The following KCNH7 variants were observed in gnomAD, a reference collection of about 807,000 sequenced individuals.
The protein encoded by KCNH7 is voltage-gated inwardly rectifying potassium channel KCNH7.
In KCNH7, 49 loss-of-function variants were observed where a neutral mutation model predicts 120.8. The observed-to-expected ratio is 0.41, with a 90% CI of 0.32 to 0.51. The LOEUF is 0.51. KCNH7 is among the 20% of genes least tolerant of loss of function. The probability of loss-of-function intolerance (pLI) is 0.38; values close to 1 mark genes in which losing one functional copy is unlikely to be tolerated. For missense variants in KCNH7, 1,097 were observed against 1,446.6 expected (o/e 0.76, Z 3.92); for synonymous variants, 547 against 516.1 (o/e 1.06, Z -0.81).
chr2:162,602,915 GGGTGAGGAGGAGGAGGAGGT>G (rs1346108736), intron 2 of KCNH7, among the ~76,000 whole-genome samples: 1 of 150,430 alleles, frequency 6.6e-6, no homozygotes. Context: ...AGGAGGAGGA[GGGTGAGGAGGAGGAGGAGGT>G]TGAGCTGGAG....
At position 162,755,013 on chromosome 2, in the gene KCNH7, G is replaced by T. The variant is rs200479528; in HGVS notation, c.307+81524C>A. ...ATAACACTCTTCCCAGAAATACAAA[G>T]CTTCCTACTTTATAGCATTTTTCCT... On this transcript the variant is annotated intron_variant, in intron 2 of 15. Coordinates refer to ENST00000332142, the MANE Select transcript of KCNH7 (RefSeq NM_033272.4). 3.2e-5 allele frequency among the ~76,000 whole-genome samples: 4 copies of T among 125,302 alleles called. No homozygotes were observed. In the East Asian group the frequency reaches 1.3e-3, roughly 40 times the overall value. 82.2% of individuals were successfully genotyped at this position (125,302 alleles called of 152,430 possible).
intron 2 of KCNH7, among the ~76,000 whole-genome samples, chr2:162,602,489 C>T (rs1189455683): frequency 6.6e-6 from 1 of 152,066 alleles, no homozygotes; most frequent in Non-Finnish European, 1.5e-5. Context: ...TTTTCTCACT[C>T]ACTGAAATTG....
chr2:162,666,073 C>T (rs2105286952), intron 2 of KCNH7, among the ~76,000 whole-genome samples: 1 of 152,152 alleles, frequency 6.6e-6, no homozygotes, highest in African/African-American at 2.4e-5. Context: ...ACATCAAGGA[C>T]ATCCTTTCAT....
At chr2:162,548,693 T>G (rs1305148328) in intron 2 of KCNH7, among the ~76,000 whole-genome samples, 5 of 152,154 alleles carry the variant, frequency 3.3e-5, no homozygotes, top group African/African-American at 1.2e-4. Flanking sequence ...TGCCAGGAGT[T>G]AATTCCTGGG....
chr2:162,535,354 T>C (rs1385689527), intron 3 of KCNH7, among the ~76,000 whole-genome samples: 2 of 151,928 alleles, frequency 1.3e-5, no homozygotes, highest in East Asian at 3.9e-4. Context: ...TATAAGTCAC[T>C]GTAAACTAAG....
intron 2 of KCNH7, among the ~76,000 whole-genome samples, chr2:162,737,390 G>A (rs1369429643): frequency 2.0e-5 from 3 of 152,072 alleles, no homozygotes; most frequent in Non-Finnish European, 4.4e-5. Context: ...GAGGACAGGA[G>A]ACATGGAGAC....
At chr2:162,788,723 G>A (rs1267696979) in intron 2 of KCNH7, among the ~76,000 whole-genome samples, 1 of 151,820 alleles carries the variant, frequency 6.6e-6, no homozygotes, top group Non-Finnish European at 1.5e-5. Flanking sequence ...AAGAAATAAT[G>A]ACAGAAAACT....
intron 6 of KCNH7, among the ~76,000 whole-genome samples, chr2:162,472,053 G>T (rs7561465): frequency 0.2 from 30,654 of 151,562 alleles, 5,723 homozygotes; most frequent in African/African-American, 0.49. Flanking sequence ...AGCTGAAACT[G>T]GATCCCTTCC....
intron 6 of KCNH7, among the ~76,000 whole-genome samples, chr2:162,497,515 GT>G (rs1347823087): frequency 2.0e-5 from 3 of 152,136 alleles, no homozygotes; most frequent in African/African-American, 7.2e-5. Context: ...TGGTGTCACA[GT>G]CAAATGTTAC....
chr2:162,558,467 C>T (rs1042994413), intron 2 of KCNH7, among the ~76,000 whole-genome samples: 6 of 150,612 alleles, frequency 4.0e-5, no homozygotes, highest in African/African-American at 1.5e-4. Flanking sequence ...AGCCACCGTG[C>T]CCGGCCAGGC....
chr2:162,642,489 A>T (rs536719227), intron 2 of KCNH7, among the ~76,000 whole-genome samples: 1 of 152,208 alleles, frequency 6.6e-6, no homozygotes, highest in South Asian at 2.1e-4. Flanking sequence ...TTTCTGAGTT[A>T]CTTAAATGAA....
At chr2:162,826,979 G>A (rs886764114) in intron 2 of KCNH7, among the ~76,000 whole-genome samples, 1 of 152,046 alleles carries the variant, frequency 6.6e-6, no homozygotes, top group African/African-American at 2.4e-5. Context: ...GTTGATGAAG[G>A]GTTCAGGGAG....
At chr2:162,636,833 G>T (rs558956310) in intron 2 of KCNH7, among the ~76,000 whole-genome samples, 1 of 152,134 alleles carries the variant, frequency 6.6e-6, no homozygotes, top group East Asian at 1.9e-4. Context: ...TGCTCTGCAA[G>T]GCTAGCCTGA....
chr2:162,769,468 C>T (rs1682954875), intron 2 of KCNH7, among the ~76,000 whole-genome samples: 1 of 151,998 alleles, frequency 6.6e-6, no homozygotes, highest in African/African-American at 2.4e-5. Flanking sequence ...TAATAATATT[C>T]ACTGAATTTA....
At chr2:162,625,915 T>C (rs1328132222) in intron 2 of KCNH7, among the ~76,000 whole-genome samples, 1 of 152,062 alleles carries the variant, frequency 6.6e-6, no homozygotes, top group Non-Finnish European at 1.5e-5. Flanking sequence ...GGAATCCTAG[T>C]ACGTATTTGA....
At chr2:162,726,809 T>C (rs1050813002) in intron 2 of KCNH7, among the ~76,000 whole-genome samples, 1 of 152,214 alleles carries the variant, frequency 6.6e-6, no homozygotes, top group Non-Finnish European at 1.5e-5. Flanking sequence ...ATGTTCTTAA[T>C]GGCTTTAATA....
chr2:162,538,028 T>G (rs964169835), intron 2 of KCNH7: 1 of 152,114 alleles, frequency 6.6e-6, no homozygotes, highest in African/African-American at 2.4e-5. Flanking sequence ...TTCACAGGCT[T>G]GAAATTTGTT....
At chr2:162,786,242 C>CAA (rs68194654) in intron 2 of KCNH7, among the ~76,000 whole-genome samples, 6 of 72,032 alleles carry the variant, frequency 8.3e-5, no homozygotes, top group East Asian at 7.9e-4. Flanking sequence ...GAATCCGTCT[C>CAA]AAAAAAAAAA....
chr2:162,391,061 ACCTC>A (rs1686731367), intron 12 of KCNH7, among the ~76,000 whole-genome samples: 1 of 151,732 alleles, frequency 6.6e-6, no homozygotes, highest in African/African-American at 2.4e-5. Context: ...CCAGGACTCA[ACCTC>A]TGTCTGCTGC....
Sources: allele counts gnomAD v4.1 joint callset (sites outside exome capture counted in the v4.1 genomes callset), GRCh38; gene constraint gnomAD v4.1.1; transcripts MANE v1.5; gene names NCBI Gene and HGNC (gene_info 2026-07-23, HGNC 2026-07-21).